The following GRIN2A variants were observed in gnomAD, a reference collection of about 807,000 sequenced individuals.
The protein encoded by GRIN2A is glutamate ionotropic receptor NMDA type subunit 2A.
Under a neutral mutation model 113.4 loss-of-function variants are expected in GRIN2A, and 22 were observed. The observed-to-expected ratio is 0.19, with a 90% confidence interval of 0.14 to 0.28. The LOEUF is 0.28. Ranked by LOEUF, GRIN2A falls within the 10% of genes least tolerant of loss-of-function variation. The probability of loss-of-function intolerance (pLI) is 1.00; values close to 1 mark genes in which losing one functional copy is unlikely to be tolerated. For synonymous variants in GRIN2A, 827 were observed against 738.4 expected (o/e 1.12, Z -1.94); for missense variants, 1,502 against 1,887.0 (o/e 0.80, Z 3.78).
intron 2 of GRIN2A, among the ~76,000 whole-genome samples, chr16:10,076,733 C>T (rs993808634): frequency 5.9e-5 from 9 of 152,240 alleles, no homozygotes; most frequent in Admixed American, 5.9e-4. Context: ...ATGGAAGAGT[C>T]GAGAGCACTG....
intron 2 of GRIN2A, among the ~76,000 whole-genome samples, chr16:9,938,783 G>C (rs1299208879): frequency 1.3e-5 from 2 of 152,102 alleles, no homozygotes. Context: ...TGTAATTATT[G>C]CTTGCTTATC....
intron 4 of GRIN2A, among the ~76,000 whole-genome samples, chr16:9,869,389 C>T (rs1214898452): frequency 6.6e-6 from 1 of 152,142 alleles, no homozygotes; most frequent in Non-Finnish European, 1.5e-5. Context: ...GCCTAAATCA[C>T]ACCAATGCAC....
intron 2 of GRIN2A, among the ~76,000 whole-genome samples, chr16:10,016,563 C>T (rs1198994027): frequency 2.0e-5 from 3 of 152,128 alleles, no homozygotes; most frequent in Non-Finnish European, 4.4e-5. Flanking sequence ...GAGCCCTGTG[C>T]CTCCTATCTG....
Position 9,936,548 on chromosome 16 carries a change from T to C in GRIN2A, c.1007+1411A>G, listed in dbSNP as rs1020999407. On this transcript the variant is annotated intron_variant, in intron 3 of 12. Transcript: ENST00000330684. ...GAACATCAGGCAAAACCATGCAAAA[T>C]TGGGATAGGAGTGATCATTCTAAAT... 3.3e-5 allele frequency among the ~76,000 whole-genome samples: 5 copies of C among 152,064 alleles called. 1 individual carries two copies. Among genetic ancestry groups the C allele is most frequent in the South Asian group, 4.1e-4 (2 of 4,828 alleles).
chr16:9,940,668 G>T (rs1018413687), intron 2 of GRIN2A, among the ~76,000 whole-genome samples: 4 of 152,188 alleles, frequency 2.6e-5, no homozygotes, highest in African/African-American at 7.2e-5. Flanking sequence ...ATCTGAGATT[G>T]TATTTTGTGT....
chr16:9,950,907 C>T (rs1447769089), intron 2 of GRIN2A, among the ~76,000 whole-genome samples: 4 of 152,208 alleles, frequency 2.6e-5, no homozygotes, highest in East Asian at 1.9e-4. Context: ...ATTTCTTCCA[C>T]ATTATCTCAT....
chr16:10,180,774 G>T lies in GRIN2A; in HGVS notation c.-18-345C>A, dbSNP rs74006799. On this transcript the variant is annotated intron_variant, in intron 1 of 12. Transcript: ENST00000330684. This position sits in a 1 kb window ranked among gnomAD's most constrained non-coding sequence, Gnocchi z 7.0. Reference sequence around the variant, plus strand: ...GCGGGCCACAGACCCTAAGCGCCGCGCGTGTTCTGTACCCCACCAAGCTCC... The same window carrying T: ...GCGGGCCACAGACCCTAAGCGCCGCTCGTGTTCTGTACCCCACCAAGCTCC... 0.018 allele frequency: 7,974 copies of T among 439,170 alleles called. 180 individuals are homozygous for T. The highest frequency in any genetic ancestry group is 0.071 in the African/African-American group (3,565 of 49,990). The allele number at this position is 439,170 out of a possible 1,614,324, so 27.2% of individuals were successfully genotyped here. A position where few individuals can be genotyped will look rare whatever the true frequency, so the allele number is the denominator to read the frequency against.
At chr16:9,944,135 T>C (rs1168073537) in intron 2 of GRIN2A, among the ~76,000 whole-genome samples, 4 of 152,140 alleles carry the variant, frequency 2.6e-5, no homozygotes, top group East Asian at 1.9e-4. Context: ...AAGGAAATAA[T>C]GGAGGTAACT....
chr16:10,129,816 C>T (rs956857728), intron 2 of GRIN2A, among the ~76,000 whole-genome samples: 1 of 152,168 alleles, frequency 6.6e-6, no homozygotes, highest in African/African-American at 2.4e-5. Context: ...CTTACTCACT[C>T]GACCAGCGAG....
chr16:10,053,373 C>G (rs1330267194), intron 2 of GRIN2A, among the ~76,000 whole-genome samples: 1 of 152,170 alleles, frequency 6.6e-6, no homozygotes. Context: ...CTTGTCTATT[C>G]TTCACAACAA....
Position 9,763,358 on chromosome 16 carries a change from C to T in GRIN2A, c.4186G>A (p.Val1396Met), listed in dbSNP as rs1407346368. The T allele has an allele frequency of 6.2e-7, 1 of 1,614,126 alleles. No homozygotes were observed. Among genetic ancestry groups the T allele is most frequent in the Non-Finnish European group, 8.5e-7 (1 of 1,180,002 alleles). Residue 1396 changes from valine to methionine, a missense_variant, in exon 13 of 13, where the codon GTG becomes ATG. By Grantham distance (21) the Val-to-Met change is conservative. Transcript: ENST00000330684. ...GACGACCGAAGATAGCTGTCATTCACCGCCTGGGATGGCAACGAGTGTTTG... is the reference window on the plus strand; with the variant it reads ...GACGACCGAAGATAGCTGTCATTCATCGCCTGGGATGGCAACGAGTGTTTG... ...PYKHSLPSQA[V>M]NDSYLRSSLR...
chr16:10,006,322 C>G (rs1304834457), intron 2 of GRIN2A, among the ~76,000 whole-genome samples: 1 of 152,072 alleles, frequency 6.6e-6, no homozygotes, highest in African/African-American at 2.4e-5. Flanking sequence ...CGTGAACAAC[C>G]AAAACGACTT....
At chr16:10,143,793 C>A (rs1193948294) in intron 2 of GRIN2A, among the ~76,000 whole-genome samples, 1 of 151,874 alleles carries the variant, frequency 6.6e-6, no homozygotes, top group Non-Finnish European at 1.5e-5. Flanking sequence ...GGTGAAACCC[C>A]ATCTCTACTA....
intron 2 of GRIN2A, among the ~76,000 whole-genome samples, chr16:10,096,975 A>T (rs1168994532): frequency 6.6e-6 from 1 of 152,206 alleles, no homozygotes; most frequent in Admixed American, 6.5e-5. Context: ...GTTAGCTGTG[A>T]TAATTTTTAG....
rs78035122 is a variant in GRIN2A at position 10,033,545 on chromosome 16, G to A, written c.415-94994C>T. The A allele has an allele frequency of 1.3e-3, 194 of 152,338 alleles. 1 individual carries two copies. Among genetic ancestry groups the A allele is most frequent in the East Asian group, 7.5e-3 (39 of 5,178 alleles). The allele number at this position is 152,338 out of a possible 1,614,324, so 9.4% of individuals were successfully genotyped here. ...TCTCCCCATCAAGCTAAATGTGTTT[G>A]GGCAAGTCTCGTAATCCCTCCAAAC... On this transcript the variant is annotated intron_variant, in intron 2 of 12. Coordinates refer to ENST00000330684, the MANE Select transcript of GRIN2A (RefSeq NM_001134407.3).
intron 2 of GRIN2A, 39 bp from the exon 3 acceptor site, chr16:9,938,590 G>C (rs774790436): frequency 1.1e-5 from 16 of 1,489,958 alleles, no homozygotes; most frequent in Non-Finnish European, 1.4e-5. Flanking sequence ...GATGAGGCAG[G>C]AGGTGGTTTA....
chr16:9,886,405 G>A (rs1451176438), intron 4 of GRIN2A, among the ~76,000 whole-genome samples: 1 of 152,188 alleles, frequency 6.6e-6, no homozygotes, highest in East Asian at 1.9e-4. Context: ...AGTCCCAAAT[G>A]CATGAAGGAA....
At chr16:10,074,147 A>G (rs1392283742) in intron 2 of GRIN2A, among the ~76,000 whole-genome samples, 1 of 152,254 alleles carries the variant, frequency 6.6e-6, no homozygotes. Flanking sequence ...AACAGTGATT[A>G]GAGAAATGCA....
chr16:10,138,038 A>T (rs1480491134), intron 2 of GRIN2A, among the ~76,000 whole-genome samples: 2 of 152,128 alleles, frequency 1.3e-5, no homozygotes, highest in Non-Finnish European at 2.9e-5. Flanking sequence ...TGGCCATGAG[A>T]CTCTGACCAT....
Sources: gnomAD v4.1 joint callset for allele counts (sites outside exome capture counted in the v4.1 genomes callset) on GRCh38, gnomAD v4.1.1 for gene constraint, Gnocchi (gnomAD v3.1) non-coding constraint, MANE v1.5 for transcripts, NCBI Gene and HGNC (gene_info 2026-07-23, HGNC 2026-07-21) for gene names.